SPATA16: variants seen among roughly 807,000 people sequenced by gnomAD.
SPATA16 encodes spermatogenesis associated 16, also known as spermatogenesis-associated protein 16.
Under a neutral mutation model 63.3 loss-of-function variants are expected in SPATA16, and 36 were observed. The ratio of observed to expected loss-of-function variants is 0.57; its 90% CI spans 0.44 to 0.75. The LOEUF (loss-of-function observed/expected upper bound fraction) is 0.75. Among genes scored for constraint, SPATA16 ranks in the 30% least tolerant of loss-of-function variants. SPATA16 has a pLI of 0.00. For missense variants in SPATA16, 646 were observed against 679.3 expected, an observed-to-expected ratio of 0.95 and a Z score of 0.54; for synonymous variants, 203 against 216.7, an observed-to-expected ratio of 0.94 and a Z score of 0.56.
rs1400177920 is a variant in SPATA16, at chr3:172,987,428, C to G, written c.849-10376G>C. On this transcript the variant is annotated intron_variant, in intron 4 of 10. Coordinates refer to ENST00000351008, the MANE Select transcript of SPATA16 (RefSeq NM_031955.6). Reference sequence around the variant, plus strand: ...TCCCACCATATCCCGGGTCACTCTCCCATGATGGACAGTCAAGCATCAGTT... The same window carrying G: ...TCCCACCATATCCCGGGTCACTCTCGCATGATGGACAGTCAAGCATCAGTT... 2.0e-5 allele frequency among the ~76,000 whole-genome samples: 3 copies of G among 152,178 alleles called. No homozygotes were observed. The East Asian group carries it at 5.8e-4, about 29-fold the overall frequency.
intron 4 of SPATA16, among the ~76,000 whole-genome samples, chr3:173,017,678 A>G (rs1199870007): frequency 6.6e-6 from 1 of 152,222 alleles, no homozygotes; most frequent in Non-Finnish European, 1.5e-5. Context: ...GAGTCTGTAT[A>G]AGCACACCAC....
intron 5 of SPATA16, among the ~76,000 whole-genome samples, chr3:172,963,577 A>G (rs571138593): frequency 6.6e-6 from 1 of 152,194 alleles, no homozygotes; most frequent in African/African-American, 2.4e-5. Context: ...GCTACTGTCT[A>G]CCATTCAGTA....
chr3:172,903,368 A>G (rs1270629343), intron 10 of SPATA16, among the ~76,000 whole-genome samples: 2 of 152,238 alleles, frequency 1.3e-5, no homozygotes, highest in African/African-American at 4.8e-5. Context: ...GACTAATACG[A>G]GCATTTCCAA....
chr3:173,082,799 G>T (rs912477201), intron 2 of SPATA16, among the ~76,000 whole-genome samples: 2 of 152,130 alleles, frequency 1.3e-5, no homozygotes, highest in Non-Finnish European at 2.9e-5. Flanking sequence ...TAAGAGCAGA[G>T]GTCCTTTTAT....
At chr3:172,988,135 T>A (rs1033499384) in intron 4 of SPATA16, among the ~76,000 whole-genome samples, 1 of 152,172 alleles carries the variant, frequency 6.6e-6, no homozygotes, top group Non-Finnish European at 1.5e-5. Flanking sequence ...GTAAACTGAT[T>A]ATTTGAAACT....
At chr3:173,138,571 A>G (rs544697210) in intron 1 of SPATA16, among the ~76,000 whole-genome samples, 1 of 152,342 alleles carries the variant, frequency 6.6e-6, no homozygotes, top group South Asian at 2.1e-4. Flanking sequence ...AATAAACAGC[A>G]AGACAGAATA....
chr3:172,917,130 C>T (rs758826391), intron 8 of SPATA16, among the ~76,000 whole-genome samples: 5 of 152,150 alleles, frequency 3.3e-5, no homozygotes, highest in Non-Finnish European at 5.9e-5. Flanking sequence ...CTGCCAACTC[C>T]CATGGCATTT....
chr3:173,104,434 C>T (rs948651901), intron 2 of SPATA16, among the ~76,000 whole-genome samples: 1 of 152,140 alleles, frequency 6.6e-6, no homozygotes, highest in Non-Finnish European at 1.5e-5. Context: ...GTTTAGTTGG[C>T]TTACAGTTCT....
intron 5 of SPATA16, among the ~76,000 whole-genome samples, chr3:172,957,164 T>G (rs1367080981): frequency 6.6e-6 from 1 of 152,184 alleles, no homozygotes; most frequent in African/African-American, 2.4e-5. Flanking sequence ...ATTAACTTAC[T>G]CTTGAGCAGA....
chr3:173,119,148 C>A (rs1439212201), intron 1 of SPATA16, among the ~76,000 whole-genome samples: 6 of 151,966 alleles, frequency 3.9e-5, no homozygotes, highest in Admixed American at 3.9e-4. Flanking sequence ...CCTACTGGGG[C>A]CTGTCGAGGG....
chr3:172,925,280 T>G (rs1732701929), intron 7 of SPATA16, 66 bp downstream of exon 7: 1 of 1,581,114 alleles, frequency 6.3e-7, no homozygotes, highest in Non-Finnish European at 8.7e-7. Flanking sequence ...AACTCAAACA[T>G]TTTTTGGGGC....
chr3:173,086,605 T>C (rs1737061271), intron 2 of SPATA16, among the ~76,000 whole-genome samples: 1 of 152,166 alleles, frequency 6.6e-6, no homozygotes, highest in Non-Finnish European at 1.5e-5. Flanking sequence ...CTCTTGGTTC[T>C]TTAGTTCTGT....
intron 4 of SPATA16, among the ~76,000 whole-genome samples, chr3:172,985,268 A>C (rs577586497): frequency 6.6e-6 from 1 of 152,330 alleles, no homozygotes; most frequent in African/African-American, 2.4e-5. Flanking sequence ...TAGCAAATAT[A>C]TGCCTGATTG....
intron 2 of SPATA16, among the ~76,000 whole-genome samples, chr3:173,059,162 A>G (rs556454007): frequency 6.6e-6 from 1 of 152,096 alleles, no homozygotes; most frequent in South Asian, 2.1e-4. Flanking sequence ...TCTTAACTAG[A>G]ATTGCGGAAG....
intron 1 of SPATA16, among the ~76,000 whole-genome samples, chr3:173,124,972 A>G (rs1738189599): frequency 1.3e-5 from 2 of 152,180 alleles, no homozygotes; most frequent in Admixed American, 6.5e-5. Flanking sequence ...ATATCCTCCT[A>G]AAACATCAAA....
chr3:172,920,904 G>A (rs1732601304), intron 8 of SPATA16, among the ~76,000 whole-genome samples: 1 of 152,118 alleles, frequency 6.6e-6, no homozygotes, highest in Admixed American at 6.5e-5. Context: ...GTCTCCTGCT[G>A]TTATGAATGC....
intron 1 of SPATA16, among the ~76,000 whole-genome samples, chr3:173,122,603 C>A (rs1394180704): frequency 6.6e-6 from 1 of 152,194 alleles, no homozygotes; most frequent in Non-Finnish European, 1.5e-5. Context: ...TCTACCAGTT[C>A]TTTTAAATGT....
intron 10 of SPATA16, among the ~76,000 whole-genome samples, chr3:172,911,435 C>G (rs1258099379): frequency 6.6e-6 from 1 of 152,158 alleles, no homozygotes; most frequent in Non-Finnish European, 1.5e-5. Context: ...CTTTGATTCC[C>G]CAGCCCGAAG....
chr3:173,007,510 A>G (rs73177003), intron 4 of SPATA16, among the ~76,000 whole-genome samples: 397 of 152,330 alleles, frequency 2.6e-3, no homozygotes, highest in Admixed American at 5.4e-3. Context: ...GATCTTACCA[A>G]TTTGTTGTTT....
Sources: allele counts gnomAD v4.1 joint callset (sites outside exome capture counted in the v4.1 genomes callset), GRCh38; gene constraint gnomAD v4.1.1; transcripts MANE v1.5; gene names NCBI Gene and HGNC (gene_info 2026-07-23, HGNC 2026-07-21).